The following LSM12 variants were observed in gnomAD, a reference collection of about 807,000 sequenced individuals.
LSM12 encodes the protein LSM12 homolog.
For missense variants in LSM12, 108 were observed against 238.9 expected, an observed-to-expected ratio of 0.45 and a Z score of 3.61; for synonymous variants, 74 against 87.3, an observed-to-expected ratio of 0.85 and a Z score of 0.85.
chr17:44,051,560 G>T (rs1028358832), intron 2 of LSM12, among the ~76,000 whole-genome samples: 8 of 151,780 alleles, frequency 5.3e-5, no homozygotes, highest in Admixed American at 1.3e-4. Flanking sequence ...CTCGGGGAGG[G>T]GGAAATATAT....
intron 2 of LSM12, among the ~76,000 whole-genome samples, chr17:44,045,889 A>C (rs2144082629): frequency 6.6e-6 from 1 of 151,820 alleles, no homozygotes; most frequent in East Asian, 1.9e-4. Flanking sequence ...AGTTTTTGGC[A>C]GCAGTCACAC....
At chr17:44,063,040 G>A (rs2049820232) in intron 2 of LSM12, among the ~76,000 whole-genome samples, 1 of 152,034 alleles carries the variant, frequency 6.6e-6, no homozygotes, top group Admixed American at 6.6e-5. Context: ...CTGCACTCCA[G>A]CCTGGGCGAC....
At position 44,055,682 on chromosome 17, in the gene LSM12, T is replaced by TATATATAAAATATATATATATA. The variant is rs1254298994; in HGVS notation, c.258+8097_258+8118dup. ...AGAGTGAGACCCTGTCTCAAATATA[T>TATATATAAAATATATATATATA]ATATATAAAATATATATATATAATA... On this transcript the variant is annotated intron_variant, in intron 2 of 4. Coordinates refer to ENST00000293406, the MANE Select transcript of LSM12 (RefSeq NM_001371445.1). Among the ~76,000 whole-genome samples, 453 of 144,822 alleles carry TATATATAAAATATATATATATA rather than the reference T, an allele frequency of 3.1e-3. 2 individuals are homozygous for TATATATAAAATATATATATATA. The highest frequency in any genetic ancestry group is 0.01 in the African/African-American group (400 of 39,426).
At chr17:44,042,825 C>T (rs2049512934) in intron 2 of LSM12, among the ~76,000 whole-genome samples, 1 of 152,060 alleles carries the variant, frequency 6.6e-6, no homozygotes, top group African/African-American at 2.4e-5. Flanking sequence ...CCTGGGCCTC[C>T]CAAAGTGCTA....
At chr17:44,040,422 G>T (rs1439250229) in intron 2 of LSM12, 166 bp from the exon 3 acceptor site, 5 of 561,566 alleles carry the variant, frequency 8.9e-6, no homozygotes, top group Middle Eastern at 2.7e-4. Flanking sequence ...CGACATACCT[G>T]AACAGTTACT....
rs2049407893 is a variant in LSM12, at chr17:44,035,693, AAG to A, written c.*513_*514del. 7.1e-6 allele frequency: 1 copy of A among 141,540 alleles called. No individual in the cohort carries two copies. The highest frequency in any genetic ancestry group is 2.6e-5 in the African/African-American group (1 of 39,046). 8.8% of individuals were successfully genotyped at this position (141,540 alleles called of 1,614,324 possible). On this transcript the variant is annotated 3_prime_UTR_variant, in exon 5 of 5. Coordinates refer to ENST00000293406, the MANE Select transcript of LSM12 (RefSeq NM_001371445.1). Reference sequence around the variant, plus strand: ...TGCCCTGTGCAAAAAAAAAAAAAAAAAGAAAAAAGAAAAAAAAAGGAAAAGAA... The same window carrying A: ...TGCCCTGTGCAAAAAAAAAAAAAAAAAAAAAAGAAAAAAAAAGGAAAAGAA...
At chr17:44,063,974 C>T (rs2049834351) in intron 1 of LSM12, 40 bp from the exon 2 acceptor site, 1 of 1,604,752 alleles carries the variant, frequency 6.2e-7, no homozygotes, top group South Asian at 1.1e-5. Context: ...ATAGGACAAG[C>T]AGAGGCACTG....
At chr17:44,048,379 G>A (rs1302512053) in intron 2 of LSM12, among the ~76,000 whole-genome samples, 2 of 151,608 alleles carry the variant, frequency 1.3e-5, no homozygotes, top group African/African-American at 4.9e-5. Context: ...CTACTTGGGA[G>A]GCTGAGGCAG....
chr17:44,046,507 A>G (rs2144084043), intron 2 of LSM12, among the ~76,000 whole-genome samples: 1 of 150,742 alleles, frequency 6.6e-6, no homozygotes, highest in Middle Eastern at 3.4e-3. Context: ...GGAGATCGAG[A>G]CCATCCTGGC....
chr17:44,036,752 T>G (rs1597880773), intron 4 of LSM12: 1 of 173,602 alleles, frequency 5.8e-6, no homozygotes, highest in African/African-American at 2.4e-5. Context: ...CAGTGACATA[T>G]GTAGGGTCAG....
At chr17:44,064,150 T>C (rs963331457) in intron 1 of LSM12, among the ~76,000 whole-genome samples, 5 of 152,182 alleles carry the variant, frequency 3.3e-5, no homozygotes, top group Non-Finnish European at 5.9e-5. Flanking sequence ...TTCTGTCACT[T>C]TCTCTCTACT....
At chr17:44,047,824 C>A (rs1358569017) in intron 2 of LSM12, among the ~76,000 whole-genome samples, 1 of 151,218 alleles carries the variant, frequency 6.6e-6, no homozygotes, top group Non-Finnish European at 1.5e-5. Context: ...CTCAAATCAT[C>A]CTCCCACCTC....
chr17:44,065,835 T>C (rs2049865945), intron 1 of LSM12, among the ~76,000 whole-genome samples: 2 of 151,896 alleles, frequency 1.3e-5, no homozygotes, highest in African/African-American at 2.4e-5. Context: ...AACTTCCAAA[T>C]GACCGAGAAG....
intron 2 of LSM12, among the ~76,000 whole-genome samples, chr17:44,046,760 T>TC (rs2049574093): frequency 9.9e-5 from 1 of 10,124 alleles, no homozygotes; most frequent in Non-Finnish European, 5.7e-4. Context: ...TTTTTTTTTC[T>TC]TTTTTTTTTT....
In LSM12 at chr17:44,048,018, AACACACACACACACACACACACACAC is replaced by A. The variant is rs57164806; in HGVS notation, c.259-7788_259-7763del. On this transcript the variant is annotated intron_variant, in intron 2 of 4. Coordinates refer to ENST00000293406, the MANE Select transcript of LSM12 (RefSeq NM_001371445.1). ...GACAACATAGACAGTGTCCGTATTA[AACACACACACACACACACACACACAC>A]ACACACACACACACACACACGCAAA... Among the ~76,000 whole-genome samples, 6 of 137,488 alleles carry A rather than the reference AACACACACACACACACACACACACAC, an allele frequency of 4.4e-5. No homozygotes were observed. In the South Asian group the frequency reaches 7.4e-4, roughly 17 times the overall value. 90.2% of individuals were successfully genotyped at this position (137,488 alleles called of 152,430 possible). A position where few individuals can be genotyped will look rare whatever the true frequency, so the allele number is the denominator to read the frequency against.
At chr17:44,046,579 C>T (rs2049568699) in intron 2 of LSM12, among the ~76,000 whole-genome samples, 1 of 148,306 alleles carries the variant, frequency 6.7e-6, no homozygotes, top group African/African-American at 2.5e-5. Context: ...TGGTGGCGGG[C>T]GCCTGTAGTC....
At chr17:44,059,207 C>T (rs62078909) in intron 2 of LSM12, among the ~76,000 whole-genome samples, 22,577 of 152,112 alleles carry the variant, frequency 0.15, 2,071 homozygotes, top group Non-Finnish European at 0.2. Context: ...CACACACACA[C>T]GAAACATAAC....
intron 2 of LSM12, among the ~76,000 whole-genome samples, chr17:44,062,991 C>T (rs967987336): frequency 1.3e-5 from 2 of 151,988 alleles, no homozygotes; most frequent in African/African-American, 2.4e-5. Context: ...AATCACTTAA[C>T]CTGGGAGGCG....
chr17:44,037,303 C>A lies in LSM12; in HGVS notation c.495+109G>T, dbSNP rs560184634. On this transcript the variant is annotated intron_variant, in intron 4 of 4. Transcript: ENST00000293406. Reference sequence around the variant, plus strand: ...GCAGGGAGGCCAGACAGGGCCTCTGCTGCTAGAGGAGGCAGAGACTGTAGC... The same window carrying A: ...GCAGGGAGGCCAGACAGGGCCTCTGATGCTAGAGGAGGCAGAGACTGTAGC... 3.0e-6 allele frequency: 4 copies of A among 1,340,742 alleles called. No homozygotes were observed. In the South Asian group the frequency reaches 4.9e-5, roughly 16 times the overall value. 83.1% of individuals were successfully genotyped at this position (1,340,742 alleles called of 1,614,324 possible).
Sources: gnomAD v4.1 joint callset for allele counts (sites outside exome capture counted in the v4.1 genomes callset) on GRCh38, gnomAD v4.1.1 for gene constraint, MANE v1.5 for transcripts, NCBI Gene and HGNC (gene_info 2026-07-23, HGNC 2026-07-21) for gene names.